FAM81A: variants seen among roughly 807,000 people sequenced by gnomAD.
FAM81A encodes protein FAM81A.
Under a neutral mutation model 46.7 loss-of-function variants are expected in FAM81A, and 19 were observed. The ratio of observed to expected loss-of-function variants is 0.41; its 90% CI spans 0.28 to 0.60. The LOEUF is 0.60. Among genes scored for constraint, FAM81A ranks in the 20% least tolerant of loss-of-function variants. The probability of loss-of-function intolerance (pLI) is 0.34; values close to 1 mark genes in which losing one functional copy is unlikely to be tolerated. For missense variants in FAM81A, 377 were observed against 453.5 expected (o/e 0.83, Z 1.53); for synonymous variants, 183 against 152.9 (o/e 1.20, Z -1.45).
chr15:59,431,488 C>T (rs2081219771), intron 2 of FAM81A, among the ~76,000 whole-genome samples: 1 of 151,796 alleles, frequency 6.6e-6, no homozygotes, highest in Non-Finnish European at 1.5e-5. Flanking sequence ...CTGCCTTGGC[C>T]TCCCACAGTG....
At chr15:59,507,789 G>A (rs2141819232) in intron 5 of FAM81A, among the ~76,000 whole-genome samples, 1 of 152,332 alleles carries the variant, frequency 6.6e-6, no homozygotes, top group South Asian at 2.1e-4. Context: ...CTAGAGCATA[G>A]GCAGGCTAAT....
chr15:59,470,778 C>G (rs1191489512), intron 3 of FAM81A, among the ~76,000 whole-genome samples: 5 of 152,138 alleles, frequency 3.3e-5, no homozygotes, highest in African/African-American at 1.2e-4. Flanking sequence ...ATGCTGGGAG[C>G]TGCAGACCAG....
chr15:59,511,353 T>A (rs955080726), intron 6 of FAM81A, among the ~76,000 whole-genome samples: 3 of 152,218 alleles, frequency 2.0e-5, no homozygotes, highest in Admixed American at 1.3e-4. Flanking sequence ...ACTTTAGACT[T>A]TGATAAATTA....
At chr15:59,502,659 G>A (rs1347247288) in intron 4 of FAM81A, among the ~76,000 whole-genome samples, 1 of 151,796 alleles carries the variant, frequency 6.6e-6, no homozygotes, top group South Asian at 2.1e-4. Context: ...GATTACAGGC[G>A]CCTACCACCA....
rs2082273244 is a variant in FAM81A at position 59,516,860 on chromosome 15, G to C, written c.982+20G>C. On this transcript the variant is annotated intron_variant, in intron 8 of 8. Transcript: ENST00000288228. Reference sequence around the variant, plus strand: ...ATGCTGGTAGGCCAAAACCAGAACAGCTCACGTGCTTTATTTTCTGTTTGT... The same window carrying C: ...ATGCTGGTAGGCCAAAACCAGAACACCTCACGTGCTTTATTTTCTGTTTGT... 19 of 1,556,372 alleles carry C rather than the reference G, an allele frequency of 1.2e-5. No individual in the cohort carries two copies. Among genetic ancestry groups the C allele is most frequent in the Non-Finnish European group, 1.6e-5 (19 of 1,156,456 alleles).
intron 3 of FAM81A, among the ~76,000 whole-genome samples, chr15:59,471,138 A>G (rs1266132937): frequency 3.3e-5 from 5 of 152,100 alleles, no homozygotes; most frequent in African/African-American, 1.2e-4. Flanking sequence ...GTATATTTTT[A>G]ACCTCTTTAC....
intron 3 of FAM81A, among the ~76,000 whole-genome samples, chr15:59,466,466 G>A (rs1469253756): frequency 6.6e-6 from 1 of 151,274 alleles, no homozygotes. Flanking sequence ...GTGATGATGA[G>A]CATTTTTTCA....
chr15:59,500,541 A>G (rs1401157636), intron 4 of FAM81A, among the ~76,000 whole-genome samples: 8 of 151,996 alleles, frequency 5.3e-5, no homozygotes, highest in East Asian at 3.9e-4. Flanking sequence ...GCCTCAAGCA[A>G]TTCTCCTGCC....
At chr15:59,451,937 A>T (rs2141616765) in intron 1 of FAM81A, among the ~76,000 whole-genome samples, 1 of 152,348 alleles carries the variant, frequency 6.6e-6, no homozygotes, top group Middle Eastern at 3.4e-3. Context: ...ACATTTACTG[A>T]TTAGCTCTGA....
intron 4 of FAM81A, among the ~76,000 whole-genome samples, chr15:59,500,132 C>T (rs1596533112): frequency 1.3e-5 from 2 of 152,000 alleles, no homozygotes; most frequent in Admixed American, 6.5e-5. Flanking sequence ...GGATTACAGG[C>T]GTGAGCCACC....
chr15:59,421,459 G>A (rs2081170700), intron 2 of FAM81A, among the ~76,000 whole-genome samples: 1 of 152,142 alleles, frequency 6.6e-6, no homozygotes. Context: ...CGGGCTGGGA[G>A]CTCTCCCTGG....
chr15:59,456,472 C>T (rs2081485770), intron 1 of FAM81A, among the ~76,000 whole-genome samples: 2 of 152,152 alleles, frequency 1.3e-5, no homozygotes, highest in African/African-American at 2.4e-5. Flanking sequence ...TACTCATTCT[C>T]ATCAGTTCTT....
At chr15:59,468,727 G>A (rs1333734013) in intron 3 of FAM81A, among the ~76,000 whole-genome samples, 1 of 149,684 alleles carries the variant, frequency 6.7e-6, no homozygotes, top group Non-Finnish European at 1.5e-5. Context: ...GTTCTGCTTT[G>A]AGCTTAGTTA....
chr15:59,404,492 G>A (rs1178987875), intron 2 of FAM81A, among the ~76,000 whole-genome samples: 5 of 151,910 alleles, frequency 3.3e-5, no homozygotes, highest in African/African-American at 1.2e-4. Context: ...ACACAGTCTC[G>A]CTCTGTTGCC....
At chr15:59,500,949 T>C (rs1165077912) in intron 4 of FAM81A, among the ~76,000 whole-genome samples, 1 of 152,204 alleles carries the variant, frequency 6.6e-6, no homozygotes, top group African/African-American at 2.4e-5. Context: ...GTTTGCTCAT[T>C]CTATATTTAT....
At chr15:59,481,935 G>A (rs1178940840) in intron 3 of FAM81A, among the ~76,000 whole-genome samples, 1 of 151,618 alleles carries the variant, frequency 6.6e-6, no homozygotes, top group Non-Finnish European at 1.5e-5. Flanking sequence ...TCTTTAATAA[G>A]TGAAAATGCT....
At chr15:59,446,888 A>C (rs1441763366) in intron 1 of FAM81A, among the ~76,000 whole-genome samples, 3 of 152,214 alleles carry the variant, frequency 2.0e-5, no homozygotes, top group Non-Finnish European at 4.4e-5. Flanking sequence ...CTTTTAACTA[A>C]ACCATAGTCT....
At position 59,516,632 on chromosome 15, in the gene FAM81A, T is replaced by C. The variant is rs1321641647; in HGVS notation, c.787-13T>C. ...TTGGAGTGATTAAGTGCAGTTCTTA[T>C]CATGGATCTCAGGGAGCCAGTGAAA... is the stretch of plus-strand genomic sequence containing the variant. On this transcript the variant is annotated splice_polypyrimidine_tract_variant and intron_variant, in intron 7 of 8. Transcript: ENST00000288228. 3 of 1,605,282 alleles carry C rather than the reference T, an allele frequency of 1.9e-6. No individual in the cohort carries two copies. Among genetic ancestry groups the C allele is most frequent in the African/African-American group, 2.7e-5 (2 of 74,244 alleles).
At chr15:59,520,498 C>A (rs540943053) in intron 8 of FAM81A, among the ~76,000 whole-genome samples, 117 of 150,834 alleles carry the variant, frequency 7.8e-4, no homozygotes, top group African/African-American at 2.4e-3. Context: ...TGATGTTGAC[C>A]TTTTTAAAGA....
Sources: allele counts gnomAD v4.1 joint callset (sites outside exome capture counted in the v4.1 genomes callset), GRCh38; gene constraint gnomAD v4.1.1; transcripts MANE v1.5; gene names NCBI Gene and HGNC (gene_info 2026-07-23, HGNC 2026-07-21).